The following ATG16L2 variants were observed in gnomAD, a reference collection of about 807,000 sequenced individuals.
The protein encoded by ATG16L2 is autophagy related 16 like 2, also known as protein Atg16l2.
A neutral mutation model predicts 84.7 loss-of-function variants in ATG16L2; 77 were observed. The observed-to-expected ratio is 0.91, with a 90% CI of 0.76 to 1.10. ATG16L2 has a LOEUF of 1.10. ATG16L2 is among the 50% of genes least tolerant of loss of function. The probability of loss-of-function intolerance (pLI) is 0.00; values close to 1 mark genes in which losing one functional copy is unlikely to be tolerated. For synonymous variants in ATG16L2, 361 were observed against 342.8 expected (o/e 1.05, Z -0.59); for missense variants, 782 against 817.6 (o/e 0.96, Z 0.53).
rs1378504640 is a variant in ATG16L2, at chr11:72,828,485, CAGCA to C, written c.1601_1604del (p.Ser534ThrfsTer73). On this transcript the variant is annotated frameshift_variant, in exon 15 of 18. Transcript: ENST00000321297. LOFTEE classifies it high-confidence loss of function. ...CACTCAAGGTCATCGACCTGCGTGT[CAGCA>C]ACATCCGCCAGGTGTTCAGGTACCA... 6.2e-7 allele frequency: 1 copy of C among 1,614,188 alleles called. No individual in the cohort carries two copies. Among genetic ancestry groups the C allele is most frequent in the Admixed American group, 1.7e-5 (1 of 60,034 alleles).
rs760810445 is a variant in ATG16L2 at position 72,828,776 on chromosome 11, GGTATGTCC to G, written c.1670+3_1670+10del. 3 of 1,614,198 alleles carry G rather than the reference GGTATGTCC, an allele frequency of 1.9e-6. No individual in the cohort carries two copies. The South Asian group carries it at 3.3e-5, about 18-fold the overall frequency. ...TCTGACTGGACCAAAGCTGTGTTCA[GGTATGTCC>G]GTGAGAGCATATGCCTGTGTCCAAG... is the stretch of plus-strand genomic sequence containing the variant. On this transcript the variant is annotated splice_donor_variant and splice_donor_5th_base_variant and intron_variant, in intron 16 of 17. Transcript: ENST00000321297. LOFTEE classifies it high-confidence loss of function.
intron 3 of ATG16L2, chr11:72,818,436 C>G (rs1445734686): frequency 6.6e-6 from 1 of 152,514 alleles, no homozygotes; most frequent in East Asian, 1.9e-4. Flanking sequence ...GGTTCACTGA[C>G]CCCCGTTTTT....
At chr11:72,841,472 G>C in intron 5 of ATG16L2, 2 of 1,610,616 alleles carry the variant, frequency 1.2e-6, no homozygotes, top group Non-Finnish European at 1.7e-6. Flanking sequence ...GAAGGAGACC[G>C]GGGAAAGTAC....
chr11:72,824,313 G>A (rs981989224), intron 8 of ATG16L2, 191 bp downstream of exon 8: 5 of 657,344 alleles, frequency 7.6e-6, no homozygotes, highest in African/African-American at 5.4e-5. Flanking sequence ...TGTCTTCCAG[G>A]TTCTGTCCTC....
intron 16 of ATG16L2, 49 bp from the exon 17 acceptor site, chr11:72,828,834 G>A: frequency 6.2e-7 from 1 of 1,613,810 alleles, no homozygotes; most frequent in Non-Finnish European, 8.5e-7. Context: ...CCCTGTGTGT[G>A]CCCTCCCCTC....
intron 7 of ATG16L2, chr11:72,823,771 G>A (rs566589206): frequency 4.1e-5 from 22 of 539,378 alleles, no homozygotes; most frequent in South Asian, 2.0e-4. Context: ...TGTAGGCCCC[G>A]GCTCAGCTTC....
At chr11:72,826,443 C>T in intron 11 of ATG16L2, 75 bp from the exon 12 acceptor site, 1 of 1,571,922 alleles carries the variant, frequency 6.4e-7, no homozygotes, top group Non-Finnish European at 8.7e-7. Context: ...GTGAGGCAGC[C>T]CCTAGCCTCA....
chr11:72,842,282 C>T (rs569805158), intron 5 of ATG16L2, among the ~76,000 whole-genome samples: 12 of 152,340 alleles, frequency 7.9e-5, no homozygotes, highest in Middle Eastern at 3.4e-3. Flanking sequence ...AGTTTTACTA[C>T]GTAAATTAAC....
In ATG16L2 at chr11:72,829,192, A is replaced by C. The variant is rs1053289146; in HGVS notation, c.1773-111A>C. 30 of 1,259,356 alleles carry C rather than the reference A, an allele frequency of 2.4e-5. No homozygotes were observed. The African/African-American group carries it at 4.2e-4, about 18-fold the overall frequency. The allele number at this position is 1,259,356 out of a possible 1,614,324, so 78.0% of individuals were successfully genotyped here. Reference sequence around the variant, plus strand: ...TGTGAGCTAACTTGACAGATGAGGAAACAGGCTCAAGAGAGGGCCTCAAAC... The same window carrying C: ...TGTGAGCTAACTTGACAGATGAGGACACAGGCTCAAGAGAGGGCCTCAAAC... On this transcript the variant is annotated intron_variant, in intron 17 of 17. Transcript: ENST00000321297.
Position 72,829,469 on chromosome 11 carries a change from T to C in ATG16L2, c.*79T>C. The C allele has an allele frequency of 1.3e-6, 2 of 1,544,546 alleles. No individual in the cohort carries two copies. The highest frequency in any genetic ancestry group is 1.7e-6 in the Non-Finnish European group (2 of 1,144,358). ...TTCGGCGCCATGCAGGGGTTGGGGTTGGGACTGGAGCTGGCCTTGGGATTT... is the reference window on the plus strand; with the variant it reads ...TTCGGCGCCATGCAGGGGTTGGGGTCGGGACTGGAGCTGGCCTTGGGATTT... On this transcript the variant is annotated 3_prime_UTR_variant, in exon 18 of 18. Transcript: ENST00000321297.
Position 72,822,923 on chromosome 11 carries a change from G to A in ATG16L2, c.786G>A (p.Leu262=), listed in dbSNP as rs1192603814. Residue 262 remains leucine, a synonymous_variant, in exon 7 of 18, where the codon CTG becomes CTA. Transcript: ENST00000321297. This position sits in a 1 kb window ranked among gnomAD's most constrained non-coding sequence, Gnocchi z 4.2. Reference sequence around the variant, plus strand: ...CTCTGGCCCCTGAGCCAGAGCCCCTGGAGAAGGAAGCTTGTGAGAAGTGGA... The same window carrying A: ...CTCTGGCCCCTGAGCCAGAGCCCCTAGAGAAGGAAGCTTGTGAGAAGTGGA... The part of the protein sequence containing the change: ...TLALAPEPEP[L]EKEACEKWKR... 1.9e-6 allele frequency: 3 copies of A among 1,578,554 alleles called. No homozygotes were observed. Among genetic ancestry groups the A allele is most frequent in the African/African-American group, 2.7e-5 (2 of 74,444 alleles).
At position 72,824,134 on chromosome 11, in the gene ATG16L2, T is replaced by TGTGC; in HGVS notation, c.887+13_887+16dup. The TGTGC allele has an allele frequency of 6.2e-7, 1 of 1,614,182 alleles. No individual in the cohort carries two copies. The highest frequency in any genetic ancestry group is 8.5e-7 in the Non-Finnish European group (1 of 1,179,998). ...AAGGGGCTTCTGGAGTAAGTGTGTG[T>TGTGC]GTGCCTGTGTGTGCACCCACGTGTG... On this transcript the variant is annotated intron_variant, in intron 8 of 17. Coordinates refer to ENST00000321297, the MANE Select transcript of ATG16L2 (RefSeq NM_033388.2).
chr11:72,823,994 T>G (rs1860175575), intron 7 of ATG16L2, 66 bp from the exon 8 acceptor site: 10 of 1,571,878 alleles, frequency 6.4e-6, no homozygotes, highest in Non-Finnish European at 7.9e-6. Context: ...AGTGTGGAGA[T>G]GATGGACAGC....
chr11:72,834,005 G>C (rs897974168), downstream of ATG16L2, among the ~76,000 whole-genome samples: 5 of 150,520 alleles, frequency 3.3e-5, no homozygotes, highest in Non-Finnish European at 7.4e-5. Context: ...TGTGTTTTTT[G>C]GCCTCTGGGA....
At chr11:72,840,952 G>T in intron 5 of ATG16L2, 1 of 1,612,244 alleles carries the variant, frequency 6.2e-7, no homozygotes, top group Non-Finnish European at 8.5e-7. Context: ...CAGCATGAAG[G>T]CTTTTTTCTA....
rs758954622 is a variant in ATG16L2 at position 72,827,244 on chromosome 11, A to G, written c.1423A>G (p.Ile475Val). ...YCNDVVCGDH[I>V]IISGHNDQKI... ...TAATGACGTGGTGTGTGGGGACCAT[A>G]TCATCATTAGTGGCCACAATGACCA... The change falls in exon 14 of 18, where the codon ATC becomes GTC. Residue 475 changes from isoleucine to valine, a missense_variant. Transcript: ENST00000321297. 1.9e-6 allele frequency: 3 copies of G among 1,613,934 alleles called. No homozygotes were observed. Among genetic ancestry groups the G allele is most frequent in the Admixed American group, 3.3e-5 (2 of 59,990 alleles).
chr11:72,827,326 A>C (rs759007993), intron 14 of ATG16L2, 33 bp downstream of exon 14: 1 of 1,543,884 alleles, frequency 6.5e-7, no homozygotes, highest in African/African-American at 1.4e-5. Context: ...GGACTTGGGG[A>C]GGGCTGGGGA....
At chr11:72,814,731 C>T (rs1392933120) in intron 1 of ATG16L2, among the ~76,000 whole-genome samples, 168 bp downstream of exon 1, 3 of 152,236 alleles carry the variant, frequency 2.0e-5, no homozygotes, top group Non-Finnish European at 4.4e-5. Flanking sequence ...CCCTTGCCAT[C>T]CAGGCTCTGG....
chr11:72,822,524 C>T lies in ATG16L2; in HGVS notation c.691C>T (p.Arg231Trp), dbSNP rs148743255. 9 of 1,612,594 alleles carry T rather than the reference C, an allele frequency of 5.6e-6. No individual in the cohort carries two copies. In the African/African-American group the frequency reaches 8.0e-5, roughly 14 times the overall value. ...VSQELKKAAK[R>W]TVSISEGPDT... ...CCAGGAGCTGAAGAAGGCTGCCAAG[C>T]GGACCGTGAGCATCAGCGAGTAAGA... The change falls in exon 6 of 18, where the codon CGG (arginine) becomes TGG (tryptophan). Residue 231 changes from arginine to tryptophan, a missense_variant. Coordinates refer to ENST00000321297, the MANE Select transcript of ATG16L2 (RefSeq NM_033388.2). The surrounding 1 kb of genome is among the most constrained non-coding windows in gnomAD (Gnocchi z 4.2).
Sources: gnomAD v4.1 joint callset for allele counts (sites outside exome capture counted in the v4.1 genomes callset) on GRCh38, gnomAD v4.1.1 for gene constraint, Gnocchi (gnomAD v3.1) non-coding constraint, MANE v1.5 for transcripts, NCBI Gene and HGNC (gene_info 2026-07-23, HGNC 2026-07-21) for gene names.